WWC1: variants seen among roughly 807,000 people sequenced by gnomAD.
WWC1 encodes the protein protein KIBRA.
Under a neutral mutation model 138.4 loss-of-function variants are expected in WWC1, and 55 were observed. The observed-to-expected ratio is 0.40, with a 90% CI of 0.32 to 0.50. The LOEUF is 0.50. Among genes scored for constraint, WWC1 ranks in the 20% least tolerant of loss-of-function variants. The pLI is 0.72. For synonymous variants in WWC1, 524 were observed against 564.9 expected (o/e 0.93, Z 1.03); for missense variants, 1,226 against 1,420.4 (o/e 0.86, Z 2.20).
At chr5:168,408,267 A>G (rs1779955486) in intron 6 of WWC1, among the ~76,000 whole-genome samples, 1 of 152,124 alleles carries the variant, frequency 6.6e-6, no homozygotes, top group African/African-American at 2.4e-5. Flanking sequence ...CAACTAGGGC[A>G]TGTGGCTCCA....
chr5:168,338,924 T>C (rs763540945), intron 1 of WWC1, among the ~76,000 whole-genome samples: 4 of 152,130 alleles, frequency 2.6e-5, no homozygotes, highest in Non-Finnish European at 4.4e-5. Context: ...TAAAAAACTA[T>C]AGTTAACCAT....
At chr5:168,374,002 C>T (rs1204081196) in intron 2 of WWC1, among the ~76,000 whole-genome samples, 2 of 149,166 alleles carry the variant, frequency 1.3e-5, no homozygotes, top group South Asian at 2.1e-4. Flanking sequence ...GCCGAGATCC[C>T]GCCACTGCAC....
chr5:168,305,650 G>A (rs991956869), intron 1 of WWC1, among the ~76,000 whole-genome samples: 3 of 152,134 alleles, frequency 2.0e-5, no homozygotes, highest in South Asian at 2.1e-4. Context: ...TGCAATGGAC[G>A]AATAAGGAGT....
chr5:168,465,169 C>T (rs968329022), intron 21 of WWC1, among the ~76,000 whole-genome samples: 19 of 152,258 alleles, frequency 1.2e-4, no homozygotes, highest in African/African-American at 4.6e-4. Context: ...AACCTTTCAC[C>T]TGGCTGCAAG....
chr5:168,420,082 G>T (rs935335105), intron 9 of WWC1, among the ~76,000 whole-genome samples: 1 of 152,166 alleles, frequency 6.6e-6, no homozygotes, highest in Non-Finnish European at 1.5e-5. Context: ...TCAGAATGTT[G>T]TGTGTACTCA....
chr5:168,373,916 G>A (rs1180228234), intron 2 of WWC1, among the ~76,000 whole-genome samples: 1 of 151,264 alleles, frequency 6.6e-6, no homozygotes, highest in African/African-American at 2.4e-5. Context: ...CGTGGTGGCG[G>A]GCATCTGTAA....
At chr5:168,462,062 A>T (rs112890298) in intron 20 of WWC1, among the ~76,000 whole-genome samples, 1 of 133,118 alleles carries the variant, frequency 7.5e-6, no homozygotes, top group Non-Finnish European at 1.8e-5. Context: ...TCTCAAAAAA[A>T]AAAAAGAAAG....
intron 1 of WWC1, among the ~76,000 whole-genome samples, chr5:168,308,676 C>T (rs765178300): frequency 6.6e-6 from 1 of 152,126 alleles, no homozygotes; most frequent in Non-Finnish European, 1.5e-5. Context: ...ACCCAGACTC[C>T]ACATTTGTAA....
At chr5:168,308,085 G>GTGT (rs1770744204) in intron 1 of WWC1, among the ~76,000 whole-genome samples, 1 of 152,196 alleles carries the variant, frequency 6.6e-6, no homozygotes, top group South Asian at 2.1e-4. Context: ...GAAAGAATGT[G>GTGT]TGTTTAGGGT....
intron 1 of WWC1, among the ~76,000 whole-genome samples, chr5:168,298,001 G>T (rs1769707489): frequency 6.6e-6 from 1 of 152,098 alleles, no homozygotes; most frequent in South Asian, 2.1e-4. Flanking sequence ...TAGAGTTATT[G>T]TCAGTCTAAT....
intron 8 of WWC1, among the ~76,000 whole-genome samples, chr5:168,413,733 CG>C (rs976771369): frequency 2.0e-5 from 3 of 152,194 alleles, no homozygotes; most frequent in African/African-American, 7.2e-5. Flanking sequence ...TGAGAATACG[CG>C]GTCAGTAGTT....
At chr5:168,394,587 G>A (rs773511558) in intron 3 of WWC1, among the ~76,000 whole-genome samples, 19 of 152,122 alleles carry the variant, frequency 1.2e-4, no homozygotes, top group Non-Finnish European at 1.8e-4. Context: ...TTAGCTGGGC[G>A]TGGTGGCAGG....
chr5:168,357,487 TGTGTGTGC>T (rs59526817), intron 1 of WWC1, among the ~76,000 whole-genome samples: 12,462 of 88,088 alleles, frequency 0.14, 786 homozygotes, highest in East Asian at 0.42. Flanking sequence ...TGTGTGTGTG[TGTGTGTGC>T]GCGCGCGCAC....
At chr5:168,384,678 T>A (rs190402743) in intron 2 of WWC1, among the ~76,000 whole-genome samples, 39 of 152,086 alleles carry the variant, frequency 2.6e-4, no homozygotes, top group African/African-American at 8.9e-4. Flanking sequence ...TTCTCAGAGA[T>A]TGACATTGGG....
intron 3 of WWC1, among the ~76,000 whole-genome samples, chr5:168,391,701 A>G (rs1778515785): frequency 6.9e-6 from 1 of 144,018 alleles, no homozygotes; most frequent in African/African-American, 2.5e-5. Flanking sequence ...CAGTTGAATC[A>G]CTCACTTGAT....
At chr5:168,298,100 G>A (rs1769719825) in intron 1 of WWC1, among the ~76,000 whole-genome samples, 1 of 152,046 alleles carries the variant, frequency 6.6e-6, no homozygotes, top group Admixed American at 6.6e-5. Context: ...GTGCGGTGGT[G>A]CAATCTCAGC....
At chr5:168,323,658 T>C (rs937131894) in intron 1 of WWC1, among the ~76,000 whole-genome samples, 4 of 152,088 alleles carry the variant, frequency 2.6e-5, no homozygotes, top group Non-Finnish European at 4.4e-5. Context: ...GTCTAAGAAA[T>C]GTGTATTTGC....
rs559371963 is a variant in WWC1 at position 168,311,030 on chromosome 5, C to T, written c.119+18759C>T. On this transcript the variant is annotated intron_variant, in intron 1 of 22. Transcript: ENST00000265293. ...CCTTGCAGGTGCCAATAATTGGTAG[C>T]CATGGTTGCTGAGTTCTCTTCATTG... 7.4e-4 allele frequency among the ~76,000 whole-genome samples: 113 copies of T among 152,134 alleles called. 2 individuals are homozygous for T. The highest frequency in any genetic ancestry group is 3.3e-4 in the Admixed American group (5 of 15,268).
At chr5:168,333,845 A>G (rs1773232216) in intron 1 of WWC1, among the ~76,000 whole-genome samples, 1 of 152,090 alleles carries the variant, frequency 6.6e-6, no homozygotes, top group Non-Finnish European at 1.5e-5. Context: ...TGAACTCATT[A>G]CAAGATTCTT....
Sources: gnomAD v4.1 joint callset for allele counts (sites outside exome capture counted in the v4.1 genomes callset) on GRCh38, gnomAD v4.1.1 for gene constraint, MANE v1.5 for transcripts, NCBI Gene and HGNC (gene_info 2026-07-23, HGNC 2026-07-21) for gene names.